Variants in SCART1 observed in about 807,000 individuals in gnomAD.
SCART1 encodes the protein scavenger receptor cysteine-rich domain-containing protein SCART1.
In SCART1, 62 loss-of-function variants were observed where a neutral mutation model predicts 36.2. That is an observed-to-expected ratio of 1.71 (90% CI 1.40 to 2.12). The LOEUF (loss-of-function observed/expected upper bound fraction) is 2.12, where lower values mean the gene tolerates loss of function less well. Among genes scored for constraint, SCART1 ranks in the 30% most tolerant of loss-of-function variants. The pLI, the probability that SCART1 is intolerant of heterozygous loss-of-function variation, is 0.00. For missense variants in SCART1, 1,041 were observed against 540.5 expected, an observed-to-expected ratio of 1.93 and a Z score of -9.18; for synonymous variants, 487 against 238.7, an observed-to-expected ratio of 2.04 and a Z score of -9.59.
chr10:133,467,525 A>C (rs1040621503), intron 11 of SCART1, among the ~76,000 whole-genome samples, 172 bp downstream of exon 11: 5 of 152,138 alleles, frequency 3.3e-5, no homozygotes, highest in African/African-American at 1.2e-4. Flanking sequence ...GGCCACACCC[A>C]TGAGGGCAGA....
rs1850762230 is a variant in SCART1 at position 133,466,106 on chromosome 10, C to G, written c.2660-129C>G. On this transcript the variant is annotated intron_variant, in intron 9 of 11. Coordinates refer to ENST00000640237, the Ensembl canonical transcript of SCART1. ...CAGCTGAAACCAGCAGATGCCCCCC[C>G]AGCACTTCCGACTCGCAGGTCCTCC... The G allele has an allele frequency of 7.9e-6, 5 of 629,642 alleles. No individual in the cohort carries two copies. The East Asian group carries it at 1.4e-4, about 17-fold the overall frequency. 39.0% of individuals were successfully genotyped at this position (629,642 alleles called of 1,614,324 possible).
exon 12 of SCART1, chr10:133,468,895 A>G (rs182224165): frequency 8.7e-4 from 132 of 152,140 alleles, no homozygotes; most frequent in African/African-American, 3.0e-3. Context: ...CTTTTATTGT[A>G]GTATTTCTGT....
At chr10:133,459,254 T>C in exon 5 of SCART1, 3 of 682,898 alleles carry the variant, frequency 4.4e-6, no homozygotes, top group East Asian at 2.7e-5. Flanking sequence ...GTCCTACTTG[T>C]GGAATTGCCC....
chr10:133,460,525 A>ATATTTAGTTATTTATT (rs1554896750), intron 6 of SCART1, among the ~76,000 whole-genome samples: 5 of 134,342 alleles, frequency 3.7e-5, no homozygotes, highest in African/African-American at 1.4e-4. Flanking sequence ...ATTTATTTAA[A>ATATTTAGTTATTTATT]TATTTATTTA....
intron 10 of SCART1, among the ~76,000 whole-genome samples, chr10:133,466,622 G>C (rs1057475481): frequency 6.6e-6 from 1 of 152,246 alleles, no homozygotes; most frequent in African/African-American, 2.4e-5. Context: ...GCCTTGGATG[G>C]CCTCTAGCTG....
chr10:133,467,737 G>C (rs567790290), intron 11 of SCART1, 110 bp from the exon 12 acceptor site: 1 of 550,436 alleles, frequency 1.8e-6, no homozygotes, highest in African/African-American at 1.9e-5. Context: ...ATTGCCAGGT[G>C]CTTTCTGGTT....
At chr10:133,458,213 G>C (rs1364205662) in intron 3 of SCART1, 147 bp from the exon 4 acceptor site, 1 of 700,524 alleles carries the variant, frequency 1.4e-6, no homozygotes, top group African/African-American at 1.7e-5. Context: ...AGGGCCTGTG[G>C]CTGCAAGTTC....
chr10:133,466,139 A>G, intron 9 of SCART1, 96 bp from the exon 10 acceptor site: 1 of 643,984 alleles, frequency 1.6e-6, no homozygotes. Context: ...TCCATGAGGG[A>G]GAGGGTGTGG....
intron 3 of SCART1, chr10:133,457,856 TC>T: frequency 1.8e-6 from 1 of 543,684 alleles, no homozygotes; most frequent in South Asian, 2.4e-5. Flanking sequence ...TCAGCTGTGA[TC>T]TCTGCATGTC....
intron 2 of SCART1, 77 bp downstream of exon 2, chr10:133,456,631 GCA>G: frequency 3.3e-6 from 2 of 600,476 alleles, no homozygotes; most frequent in Non-Finnish European, 6.0e-6. Context: ...CTGGGAGGAC[GCA>G]GAGGAGGACT....
chr10:133,465,295 G>C (rs989867602), exon 9 of SCART1: 2 of 683,732 alleles, frequency 2.9e-6, no homozygotes, highest in African/African-American at 3.5e-5. Context: ...CCGCTGCTCC[G>C]GGCGCGTGGA....
At chr10:133,456,940 G>A (rs761756309) in intron 2 of SCART1, 20 of 494,382 alleles carry the variant, frequency 4.0e-5, no homozygotes, top group East Asian at 3.2e-4. Flanking sequence ...GGTCTGGCTC[G>A]AGGGTCCTCA....
At chr10:133,459,910 G>T in exon 6 of SCART1, 1 of 543,032 alleles carries the variant, frequency 1.8e-6, no homozygotes, top group Admixed American at 3.8e-5. Context: ...CGCGGGGCCG[G>T]GGCGCTGCAC....
At chr10:133,455,690 G>C (rs1850599785) in intron 1 of SCART1, among the ~76,000 whole-genome samples, 1 of 152,230 alleles carries the variant, frequency 6.6e-6, no homozygotes, top group South Asian at 2.1e-4. Flanking sequence ...AGAGACCGGA[G>C]GGTGAGATCC....
intron 6 of SCART1, chr10:133,464,277 G>A (rs1000499098): frequency 3.1e-5 from 10 of 326,152 alleles, no homozygotes; most frequent in African/African-American, 1.5e-4. Context: ...GAACCTGGGC[G>A]TGCAGTGAAC....
chr10:133,456,110 T>A (rs1850606496), intron 1 of SCART1, 127 bp from the exon 2 acceptor site: 1 of 621,836 alleles, frequency 1.6e-6, no homozygotes, highest in Non-Finnish European at 2.9e-6. Flanking sequence ...TGGGACTGCT[T>A]GGTGGGGTGA....
chr10:133,458,094 T>C (rs943980), intron 3 of SCART1: 583,876 of 667,418 alleles, frequency 0.87, 255,968 homozygotes, highest in Middle Eastern at 0.92. Flanking sequence ...TGTCATGGCC[T>C]CGGACAGGCA....
intron 6 of SCART1, chr10:133,464,260 C>CTGCGGTGAACCTGGGCG: frequency 3.3e-6 from 1 of 304,010 alleles, no homozygotes; most frequent in Admixed American, 4.7e-5. Flanking sequence ...GTCAATAGTG[C>CTGCGGTGAACCTGGGCG]TGCGGTGAAC....
intron 8 of SCART1, 22 bp downstream of exon 8, chr10:133,465,196 T>C: frequency 2.8e-6 from 2 of 702,962 alleles, no homozygotes; most frequent in Non-Finnish European, 5.2e-6. Flanking sequence ...TCCTTGTCGC[T>C]GTCCTCCTTC....
Sources: gnomAD v4.1 joint callset for allele counts (sites outside exome capture counted in the v4.1 genomes callset) on GRCh38, gnomAD v4.1.1 for gene constraint, MANE v1.5 for transcripts, NCBI Gene and HGNC (gene_info 2026-07-23, HGNC 2026-07-21) for gene names.